The following SLC8A1 variants were observed in gnomAD, a reference collection of about 807,000 sequenced individuals.
The protein encoded by SLC8A1 is sodium/calcium exchanger 1.
In SLC8A1, 18 loss-of-function variants were observed where a neutral mutation model predicts 68.3. The ratio of observed to expected loss-of-function variants is 0.26; its 90% confidence interval spans 0.18 to 0.39. The LOEUF (loss-of-function observed/expected upper bound fraction) is 0.39. Among genes scored for constraint, SLC8A1 ranks in the 10% least tolerant of loss-of-function variants. SLC8A1 has a pLI of 1.00. For missense variants in SLC8A1, 985 were observed against 1,156.7 expected (o/e 0.85, Z 2.15); for synonymous variants, 475 against 415.5 (o/e 1.14, Z -1.74).
At chr2:40,210,014 T>C (rs767584473) in intron 2 of SLC8A1, 1 of 152,244 alleles carries the variant, frequency 6.6e-6, no homozygotes, top group Non-Finnish European at 1.5e-5. Flanking sequence ...AGTTGGCAGA[T>C]GAGTTGGCAG....
intron 1 of SLC8A1, among the ~76,000 whole-genome samples, chr2:40,437,246 G>A (rs13031545): frequency 0.049 from 7,409 of 152,156 alleles, 344 homozygotes; most frequent in East Asian, 0.24. Flanking sequence ...TCTGGGGACA[G>A]AGAGCTCAAG....
At chr2:40,305,746 T>C (rs1481517641) in intron 2 of SLC8A1, among the ~76,000 whole-genome samples, 1 of 152,208 alleles carries the variant, frequency 6.6e-6, no homozygotes, top group Non-Finnish European at 1.5e-5. Flanking sequence ...ATGGACATGT[T>C]TGCCAAGTGT....
intron 2 of SLC8A1, among the ~76,000 whole-genome samples, chr2:40,351,713 G>C (rs1671159437): frequency 1.3e-5 from 2 of 152,148 alleles, no homozygotes; most frequent in South Asian, 4.1e-4. Flanking sequence ...AAGAAAGGCA[G>C]TGATAGGGGA....
intron 7 of SLC8A1, among the ~76,000 whole-genome samples, chr2:40,125,048 T>G (rs1313232598): frequency 6.6e-6 from 1 of 152,216 alleles, no homozygotes; most frequent in Admixed American, 6.5e-5. Flanking sequence ...CTTATTAACA[T>G]TTTCTATTTA....
At chr2:40,248,517 G>C (rs1574670802) in intron 2 of SLC8A1, among the ~76,000 whole-genome samples, 1 of 152,152 alleles carries the variant, frequency 6.6e-6, no homozygotes, top group African/African-American at 2.4e-5. Context: ...CCAGAGCCTA[G>C]ACCTTGGACT....
chr2:40,170,422 G>T, intron 4 of SLC8A1, 73 bp from the exon 7 acceptor site: 3 of 1,323,764 alleles, frequency 2.3e-6, no homozygotes, highest in South Asian at 1.2e-5. Flanking sequence ...TGTGGAATTA[G>T]TAAGCTAAAC....
intron 2 of SLC8A1, among the ~76,000 whole-genome samples, chr2:40,354,019 T>A (rs1671928684): frequency 6.6e-6 from 1 of 152,224 alleles, no homozygotes; most frequent in African/African-American, 2.4e-5. Flanking sequence ...ACACAAGTCA[T>A]TTTATTCTTG....
At chr2:40,298,101 C>T (rs1041725553) in intron 2 of SLC8A1, among the ~76,000 whole-genome samples, 2 of 152,050 alleles carry the variant, frequency 1.3e-5, no homozygotes, top group African/African-American at 2.4e-5. Flanking sequence ...AGGCTGGTCT[C>T]GAACTCCTGA....
At chr2:40,232,596 CTGTTT>C (rs1465643241) in intron 2 of SLC8A1, among the ~76,000 whole-genome samples, 1 of 107,802 alleles carries the variant, frequency 9.3e-6, no homozygotes, top group Admixed American at 9.6e-5. Context: ...ACTTTGTATT[CTGTTT>C]TTTTTTTTTT....
At position 40,281,805 on chromosome 2, in the gene SLC8A1, T is replaced by A. The variant is rs546467708; in HGVS notation, c.1809-103950A>T. On this transcript the variant is annotated intron_variant, in intron 2 of 7. Transcript: ENST00000406785. ...TCAGGGGAATTTCTGTAAGCCGGAA[T>A]CAGCTAATGATGGTTAATAAAGGTA... Among the ~76,000 whole-genome samples the A allele has an allele frequency of 1.1e-4, 17 of 152,356 alleles. No individual in the cohort carries two copies. The South Asian group carries it at 3.5e-3, about 32-fold the overall frequency.
intron 2 of SLC8A1, among the ~76,000 whole-genome samples, chr2:40,299,248 C>G (rs2070979356): frequency 6.6e-6 from 1 of 152,124 alleles, no homozygotes; most frequent in Non-Finnish European, 1.5e-5. Context: ...CTCCTGGCAT[C>G]AGGATCCAGG....
At chr2:40,409,877 T>G (rs1196285556) in intron 2 of SLC8A1, among the ~76,000 whole-genome samples, 1 of 152,112 alleles carries the variant, frequency 6.6e-6, no homozygotes, top group Non-Finnish European at 1.5e-5. Context: ...AACCAACCAA[T>G]TAATCTGAAA....
chr2:40,412,569 T>G lies in SLC8A1; in HGVS notation c.1808+15904A>C, dbSNP rs542505888. Among the ~76,000 whole-genome samples the G allele has an allele frequency of 2.6e-5, 4 of 152,286 alleles. No individual in the cohort carries two copies. In the East Asian group the frequency reaches 7.7e-4, roughly 29 times the overall value. On this transcript the variant is annotated intron_variant, in intron 2 of 7. Transcript: ENST00000406785. ...AGGCACTACCTTAAGAGCAAAGAGATTCAGATTGTTTCCTTGCTAGAACAT... is the reference window on the plus strand; with the variant it reads ...AGGCACTACCTTAAGAGCAAAGAGAGTCAGATTGTTTCCTTGCTAGAACAT...
chr2:40,177,962 G>A (rs1469810614), intron 2 of SLC8A1: 2 of 741,668 alleles, frequency 2.7e-6, no homozygotes, highest in Non-Finnish European at 4.8e-6. Flanking sequence ...GGGAGAACTG[G>A]CAGCACATGG....
At chr2:40,389,090 T>C (rs1172234379) in intron 2 of SLC8A1, among the ~76,000 whole-genome samples, 1 of 129,262 alleles carries the variant, frequency 7.7e-6, no homozygotes, top group Non-Finnish European at 1.8e-5. Context: ...TTTTTATACA[T>C]ATATTTGAGT....
At chr2:40,267,122 C>A (rs1020597610) in intron 2 of SLC8A1, among the ~76,000 whole-genome samples, 1 of 152,058 alleles carries the variant, frequency 6.6e-6, no homozygotes, top group Non-Finnish European at 1.5e-5. Flanking sequence ...AGGGCTGGTA[C>A]CACAATAATG....
At chr2:40,464,044 G>A (rs1018106949) in intron 1 of SLC8A1, among the ~76,000 whole-genome samples, 3 of 151,958 alleles carry the variant, frequency 2.0e-5, no homozygotes, top group African/African-American at 7.3e-5. Context: ...ACAGGTGCAT[G>A]CCACCACGCC....
intron 1 of SLC8A1, among the ~76,000 whole-genome samples, chr2:40,480,242 G>A (rs1704545344): frequency 6.6e-6 from 1 of 152,160 alleles, no homozygotes; most frequent in Non-Finnish European, 1.5e-5. Flanking sequence ...CAAAGATTAA[G>A]CTGTCTACTA....
chr2:40,422,388 C>T lies in SLC8A1; in HGVS notation c.1808+6085G>A, dbSNP rs114122505. On this transcript the variant is annotated intron_variant, in intron 2 of 7. Transcript: ENST00000406785. The stretch of plus-strand genomic sequence containing the variant: ...GTTGCCTATAGGCAATTTTCCACAT[C>T]TCAGCTTTGTTAGCTGACAGAGAAG... Among the ~76,000 whole-genome samples the T allele has an allele frequency of 8.9e-3, 1,361 of 152,252 alleles. 21 individuals are homozygous for T. The highest frequency in any genetic ancestry group is 0.031 in the African/African-American group (1,299 of 41,550).
Sources: gnomAD v4.1 joint callset for allele counts (sites outside exome capture counted in the v4.1 genomes callset) on GRCh38, gnomAD v4.1.1 for gene constraint, MANE v1.5 for transcripts, NCBI Gene and HGNC (gene_info 2026-07-23, HGNC 2026-07-21) for gene names.